Variants in UBE2W observed in about 807,000 individuals in gnomAD.
The protein encoded by UBE2W is ubiquitin-conjugating enzyme E2 W.
Under a neutral mutation model 27.2 loss-of-function variants are expected in UBE2W, and 18 were observed. The observed-to-expected ratio is 0.66, with a 90% CI of 0.46 to 0.98. The LOEUF (loss-of-function observed/expected upper bound fraction) is 0.98. Ranked by LOEUF, UBE2W falls within the 50% of genes least tolerant of loss-of-function variation. The probability of loss-of-function intolerance (pLI) is 0.00; values close to 1 mark genes in which losing one functional copy is unlikely to be tolerated. For synonymous variants in UBE2W, 53 were observed against 57.2 expected (o/e 0.93, Z 0.33); for missense variants, 90 against 180.2 (o/e 0.50, Z 2.87).
At position 73,790,602 on chromosome 8, in the gene UBE2W, G is replaced by A. The variant is rs563063055; in HGVS notation, c.*3500C>T. 2.9e-5 allele frequency: 29 copies of A among 984,998 alleles called. No individual in the cohort carries two copies. In the African/African-American group the frequency reaches 4.0e-4, roughly 14 times the overall value. 61.0% of individuals were successfully genotyped at this position (984,998 alleles called of 1,614,324 possible). ...AAATATAAGCAGCAGTAACCATAAAGGCTTAGAACTAGTGACACTGAATTC... is the reference window on the plus strand; with the variant it reads ...AAATATAAGCAGCAGTAACCATAAAAGCTTAGAACTAGTGACACTGAATTC... On this transcript the variant is annotated 3_prime_UTR_variant, in exon 6 of 6. Transcript: ENST00000602593.
intron 5 of UBE2W, among the ~76,000 whole-genome samples, chr8:73,795,164 A>G (rs1808361920): frequency 4.8e-5 from 1 of 20,952 alleles, no homozygotes; most frequent in African/African-American, 2.4e-4. Context: ...CCTAGTCAAA[A>G]TATTTTACAG....
intron 1 of UBE2W, among the ~76,000 whole-genome samples, chr8:73,849,934 TATA>T (rs1563618817): frequency 6.6e-6 from 1 of 152,178 alleles, no homozygotes; most frequent in African/African-American, 2.4e-5. Context: ...AGAATAACTA[TATA>T]ATGATATAGT....
intron 5 of UBE2W, among the ~76,000 whole-genome samples, chr8:73,800,769 A>G (rs964297878): frequency 2.0e-5 from 3 of 152,206 alleles, no homozygotes; most frequent in African/African-American, 7.2e-5. Context: ...TGGATTTCTC[A>G]GTAACATAAA....
chr8:73,859,370 G>T (rs2130967820), intron 1 of UBE2W, among the ~76,000 whole-genome samples: 1 of 152,290 alleles, frequency 6.6e-6, no homozygotes, highest in Non-Finnish European at 1.5e-5. Context: ...GCTGGGCATG[G>T]TGGCGCGAGC....
Position 73,787,018 on chromosome 8 carries a change from T to C in UBE2W, c.*7084A>G, listed in dbSNP as rs1313256743. ...CCACATTAAGTCCCTGAAGGCCAGA[T>C]ACAGACATGAGAAGATATTTCCTAC... On this transcript the variant is annotated 3_prime_UTR_variant, in exon 6 of 6. Coordinates refer to ENST00000602593, the MANE Select transcript of UBE2W (RefSeq NM_018299.6). The C allele has an allele frequency of 8.1e-6, 8 of 985,360 alleles. No individual in the cohort carries two copies. The highest frequency in any genetic ancestry group is 8.4e-6 in the Non-Finnish European group (7 of 829,948). 61.0% of individuals were successfully genotyped at this position (985,360 alleles called of 1,614,324 possible).
At chr8:73,870,005 G>A (rs1811936309) in intron 1 of UBE2W, among the ~76,000 whole-genome samples, 1 of 152,206 alleles carries the variant, frequency 6.6e-6, no homozygotes, top group Non-Finnish European at 1.5e-5. Context: ...GGGGAAAGGG[G>A]GAAATAGGGA....
chr8:73,844,293 G>A (rs190571660), intron 1 of UBE2W, among the ~76,000 whole-genome samples: 270 of 152,164 alleles, frequency 1.8e-3, no homozygotes, highest in African/African-American at 5.6e-3. Context: ...GATTGCAGGC[G>A]CGCGCCGCCA....
rs1162712227 is a variant in UBE2W at position 73,805,454 on chromosome 8, C to CA, written c.442+196dup. ...GGGCAACAAGAGCAAAACTCCATCT[C>CA]AAAAAAAAAAAAAAAAACAAAAAAA... On this transcript the variant is annotated intron_variant, in intron 5 of 5. Transcript: ENST00000602593. Among the ~76,000 whole-genome samples the CA allele has an allele frequency of 3.9e-3, 57 of 14,570 alleles. 6 individuals carry two copies. The highest frequency in any genetic ancestry group is 0.025 in the South Asian group (7 of 282). 9.6% of individuals were successfully genotyped at this position (14,570 alleles called of 152,430 possible).
chr8:73,783,682 C>T (rs1038961623), downstream of UBE2W, among the ~76,000 whole-genome samples: 5 of 152,220 alleles, frequency 3.3e-5, no homozygotes, highest in African/African-American at 1.2e-4. Flanking sequence ...AGACTACAGC[C>T]AAGGCCAAGG....
intron 3 of UBE2W, among the ~76,000 whole-genome samples, chr8:73,817,914 A>C (rs963483716): frequency 6.6e-6 from 1 of 152,278 alleles, no homozygotes; most frequent in African/African-American, 2.4e-5. Flanking sequence ...GATAAGCCCC[A>C]AAATAACCTT....
chr8:73,780,709 A>G (rs1807826219), intron 4 of UBE2W, among the ~76,000 whole-genome samples: 1 of 151,924 alleles, frequency 6.6e-6, no homozygotes, highest in East Asian at 2.0e-4. Context: ...TTTTTTGTAG[A>G]GATGAGGTTT....
At chr8:73,799,339 G>C (rs930520050) in intron 5 of UBE2W, among the ~76,000 whole-genome samples, 4 of 151,930 alleles carry the variant, frequency 2.6e-5, no homozygotes, top group Non-Finnish European at 5.9e-5. Flanking sequence ...TAATAATGTA[G>C]AAAACCACAA....
intron 1 of UBE2W, among the ~76,000 whole-genome samples, chr8:73,857,445 T>C (rs1811348642): frequency 9.9e-6 from 1 of 101,114 alleles, no homozygotes; most frequent in Non-Finnish European, 2.4e-5. Flanking sequence ...TAATGTATTA[T>C]AAAAGATTGC....
At chr8:73,842,944 A>T (rs1179345234) in intron 1 of UBE2W, among the ~76,000 whole-genome samples, 1 of 152,204 alleles carries the variant, frequency 6.6e-6, no homozygotes, top group Non-Finnish European at 1.5e-5. Context: ...CCACTAACTG[A>T]AGAATGAACA....
chr8:73,856,319 C>T (rs1811295071), intron 1 of UBE2W, among the ~76,000 whole-genome samples: 1 of 151,674 alleles, frequency 6.6e-6, no homozygotes. Flanking sequence ...TACCTTTAAA[C>T]ACCCACTTAA....
Position 73,793,900 on chromosome 8 carries a change from A to G in UBE2W, c.*202T>C. ...CACCTGCATTAATACTGTATGACTA[A>G]TAAAAGCATGTCAGTTGCCTGGACT... On this transcript the variant is annotated 3_prime_UTR_variant, in exon 6 of 6. Coordinates refer to ENST00000602593, the MANE Select transcript of UBE2W (RefSeq NM_018299.6). 7.1e-7 allele frequency: 1 copy of G among 1,405,650 alleles called. No homozygotes were observed. The highest frequency in any genetic ancestry group is 1.7e-5 in the South Asian group (1 of 57,440). The allele number at this position is 1,405,650 out of a possible 1,614,324, so 87.1% of individuals were successfully genotyped here.
In UBE2W at chr8:73,786,725, G is replaced by A. The variant is rs1234796453; in HGVS notation, c.*7377C>T. The A allele has an allele frequency of 2.0e-6, 2 of 985,434 alleles. No homozygotes were observed. Among genetic ancestry groups the A allele is most frequent in the Non-Finnish European group, 2.4e-6 (2 of 829,944 alleles). The allele number at this position is 985,434 out of a possible 1,614,324, so 61.0% of individuals were successfully genotyped here. A position where few individuals can be genotyped will look rare whatever the true frequency, so the allele number is the denominator to read the frequency against. On this transcript the variant is annotated 3_prime_UTR_variant, in exon 6 of 6. Transcript: ENST00000602593. ...CCTAGGGACACCAAGGCCAGGTAGTGAAAGGCCCTAATGGTAAGGAGACTG... is the reference window on the plus strand; with the variant it reads ...CCTAGGGACACCAAGGCCAGGTAGTAAAAGGCCCTAATGGTAAGGAGACTG...
intron 1 of UBE2W, chr8:73,870,322 C>T: frequency 3.8e-6 from 6 of 1,570,788 alleles, no homozygotes; most frequent in Non-Finnish European, 5.2e-6. Flanking sequence ...AAAGAAAGAC[C>T]TCATGTAACA....
chr8:73,844,447 T>C (rs971012517), intron 1 of UBE2W, among the ~76,000 whole-genome samples: 1 of 152,230 alleles, frequency 6.6e-6, no homozygotes, highest in African/African-American at 2.4e-5. Context: ...ACTCACTCAG[T>C]GCTCAATGTT....
Sources: gnomAD v4.1 joint callset for allele counts (sites outside exome capture counted in the v4.1 genomes callset) on GRCh38, gnomAD v4.1.1 for gene constraint, MANE v1.5 for transcripts, NCBI Gene and HGNC (gene_info 2026-07-23, HGNC 2026-07-21) for gene names.